Variants in DRC5 observed in about 807,000 individuals in gnomAD.
DRC5 encodes the protein dynein regulatory complex subunit 5, also known as T-complex-associated testis-expressed protein 1.
the DRC5 span, chr6:44,286,554 C>A: frequency 1.3e-6 from 2 of 1,588,972 alleles, no homozygotes; most frequent in South Asian, 2.3e-5. Context: ...GAGGAAGGAG[C>A]GCAGGGGGTC....
chr6:44,286,050 T>C, the DRC5 span: 3 of 1,614,044 alleles, frequency 1.9e-6, no homozygotes. Flanking sequence ...TCGAAATTCA[T>C]GCCGCAGTCC....
At chr6:44,287,070 G>T in the DRC5 span, 1 of 408,612 alleles carries the variant, frequency 2.4e-6, no homozygotes, top group Non-Finnish European at 3.3e-6. Flanking sequence ...AGTTGCTGTA[G>T]ATGAAATAAT....
the DRC5 span, among the ~76,000 whole-genome samples, chr6:44,283,588 G>A: frequency 6.6e-6 from 1 of 152,106 alleles, no homozygotes; most frequent in African/African-American, 2.4e-5. Flanking sequence ...AGTCCTTTGT[G>A]TCTCTTCTCT....
chr6:44,294,521 G>T, the DRC5 span, among the ~76,000 whole-genome samples: 3 of 151,586 alleles, frequency 2.0e-5, no homozygotes, highest in African/African-American at 7.3e-5. Context: ...GAGGAGGGTG[G>T]ATTACCTGAG....
the DRC5 span, among the ~76,000 whole-genome samples, chr6:44,293,752 G>A: frequency 2.0e-5 from 3 of 152,152 alleles, no homozygotes; most frequent in Non-Finnish European, 4.4e-5. Flanking sequence ...GGCTAAGTGC[G>A]CTCCCAGGCC....
At chr6:44,288,401 G>A in the DRC5 span, among the ~76,000 whole-genome samples, 5 of 152,168 alleles carry the variant, frequency 3.3e-5, no homozygotes, top group African/African-American at 1.2e-4. Flanking sequence ...CTTGCCCAAT[G>A]TCATGCAGCT....
chr6:44,290,293 T>C, the DRC5 span, among the ~76,000 whole-genome samples: 1 of 152,186 alleles, frequency 6.6e-6, no homozygotes, highest in South Asian at 2.1e-4. Flanking sequence ...AGTTTCCTTA[T>C]CTGAGAAACT....
the DRC5 span, chr6:44,287,424 T>C: frequency 5.7e-6 from 6 of 1,046,082 alleles, no homozygotes; most frequent in Non-Finnish European, 8.2e-6. Context: ...GGTATGAGGA[T>C]GCCATACGGG....
chr6:44,282,585 C>A, the DRC5 span: 1 of 1,548,870 alleles, frequency 6.5e-7, no homozygotes, highest in Non-Finnish European at 8.7e-7. Flanking sequence ...GGGTCTACAG[C>A]AACTGCCAGC....
chr6:44,293,541 C>G, the DRC5 span, among the ~76,000 whole-genome samples: 1 of 152,158 alleles, frequency 6.6e-6, no homozygotes, highest in Non-Finnish European at 1.5e-5. Context: ...GATGAAGAAA[C>G]AAGGAAACAG....
the DRC5 span, chr6:44,278,893 A>ACACACACC: frequency 2.5e-3 from 375 of 149,566 alleles, 1 homozygote; most frequent in African/African-American, 8.6e-3. Context: ...ACACACACAC[A>ACACACACC]CCCTCACACC....
At chr6:44,279,242 G>T in the DRC5 span, 1 of 152,422 alleles carries the variant, frequency 6.6e-6, no homozygotes, top group Non-Finnish European at 1.5e-5. Context: ...CAGCTACAGA[G>T]TGATGGGGGA....
chr6:44,297,633 G>C, the DRC5 span: 3 of 152,238 alleles, frequency 2.0e-5, no homozygotes, highest in Admixed American at 2.0e-4. Context: ...GGGGCTGGGT[G>C]TCCCCACTCC....
chr6:44,288,987 C>T, the DRC5 span, among the ~76,000 whole-genome samples: 7 of 45,868 alleles, frequency 1.5e-4, no homozygotes, highest in Middle Eastern at 0.017. Flanking sequence ...GAGCAAGACT[C>T]TGTCTCAAAA....
At chr6:44,282,979 T>G in the DRC5 span, among the ~76,000 whole-genome samples, 11 of 152,108 alleles carry the variant, frequency 7.2e-5, no homozygotes, top group African/African-American at 2.4e-4. Flanking sequence ...ATTTTTTGTA[T>G]TTTTAGTAGA....
the DRC5 span, among the ~76,000 whole-genome samples, chr6:44,289,527 AGAAAG>A: frequency 6.6e-6 from 1 of 152,050 alleles, no homozygotes; most frequent in Non-Finnish European, 1.5e-5. Context: ...AGGTTGAGAG[AGAAAG>A]GAGAGGGGAA....
the DRC5 span, chr6:44,286,254 T>C: frequency 2.0e-4 from 328 of 1,612,710 alleles, 1 homozygote; most frequent in East Asian, 4.9e-3. Context: ...CGCACGTAAT[T>C]CCGGCAGAGC....
chr6:44,292,324 T>C, the DRC5 span, among the ~76,000 whole-genome samples: 5 of 152,322 alleles, frequency 3.3e-5, no homozygotes, highest in African/African-American at 9.6e-5. Context: ...TCACTGGTCT[T>C]CTGAGTCTGA....
the DRC5 span, chr6:44,282,388 T>C: frequency 1.9e-6 from 3 of 1,614,178 alleles, no homozygotes; most frequent in Non-Finnish European, 2.5e-6. Context: ...TTAGCCAGGT[T>C]GAGCACACGC....
Sources: allele counts gnomAD v4.1 joint callset (sites outside exome capture counted in the v4.1 genomes callset), GRCh38; gene constraint gnomAD v4.1.1; transcripts MANE v1.5; gene names NCBI Gene and HGNC (gene_info 2026-07-23, HGNC 2026-07-21).